RALYL: variants seen among roughly 807,000 people sequenced by gnomAD.
RALYL encodes the protein RALY RNA binding protein like.
Under a neutral mutation model 35.1 loss-of-function variants are expected in RALYL, and 29 were observed. The observed-to-expected ratio is 0.83, with a 90% CI of 0.61 to 1.13. The LOEUF is 1.13. Ranked by LOEUF, RALYL falls within the 50% of genes most tolerant of loss-of-function variation. RALYL has a pLI of 0.00. For synonymous variants in RALYL, 120 were observed against 127.6 expected (o/e 0.94, Z 0.40); for missense variants, 359 against 360.4 (o/e 1.00, Z 0.03).
chr8:84,895,610 T>G (rs1476608742), intron 8 of RALYL, among the ~76,000 whole-genome samples: 1 of 152,120 alleles, frequency 6.6e-6, no homozygotes. Context: ...TCTCCCAAGT[T>G]CAAGCAATTC....
chr8:84,497,642 G>GTT lies in RALYL; in HGVS notation c.-23-31641_-23-31640dup, dbSNP rs71271999. 4.6e-3 allele frequency among the ~76,000 whole-genome samples: 535 copies of GTT among 117,200 alleles called. 12 individuals are homozygous for GTT. Among genetic ancestry groups the GTT allele is most frequent in the African/African-American group, 7.2e-3 (222 of 30,630 alleles). 76.9% of individuals were successfully genotyped at this position (117,200 alleles called of 152,430 possible). ...TGTTTTTTTTGTTGTTTTTGTTTTT[G>GTT]TTTTTTTTTTTTTTTTTGAGAGACA... is the stretch of plus-strand genomic sequence containing the variant. On this transcript the variant is annotated intron_variant, in intron 1 of 8. Transcript: ENST00000521268.
At chr8:84,892,435 C>T (rs1220035725) in intron 8 of RALYL, among the ~76,000 whole-genome samples, 2 of 151,740 alleles carry the variant, frequency 1.3e-5, no homozygotes, top group Non-Finnish European at 2.9e-5. Flanking sequence ...CATGGTGAAA[C>T]TTCATCTCTA....
Position 84,318,679 on chromosome 8 carries a change from G to C in RALYL, c.-24+134255G>C, listed in dbSNP as rs553683506. Among the ~76,000 whole-genome samples the C allele has an allele frequency of 2.6e-5, 4 of 152,094 alleles. No homozygotes were observed. The East Asian group carries it at 7.7e-4, about 29-fold the overall frequency. ...TTAAAACCTTACTGCCTAGTACAGG[G>C]CCAGGCCTGTACAAGAGTCTCAAAA... On this transcript the variant is annotated intron_variant, in intron 1 of 8. Coordinates refer to ENST00000521268, the MANE Select transcript of RALYL (RefSeq NM_173848.7).
At chr8:84,553,434 G>A (rs1028615145) in intron 2 of RALYL, among the ~76,000 whole-genome samples, 1 of 152,140 alleles carries the variant, frequency 6.6e-6, no homozygotes, top group African/African-American at 2.4e-5. Context: ...TGGGATTACA[G>A]GTGTGAGCCA....
chr8:84,516,292 A>G (rs2058057580), intron 1 of RALYL, among the ~76,000 whole-genome samples: 1 of 151,788 alleles, frequency 6.6e-6, no homozygotes, highest in Non-Finnish European at 1.5e-5. Flanking sequence ...ACTTAATAAG[A>G]AAAATAATAT....
At chr8:84,235,767 C>CTTTTTTT (rs556495836) in intron 1 of RALYL, among the ~76,000 whole-genome samples, 126 of 126,846 alleles carry the variant, frequency 9.9e-4, no homozygotes, top group African/African-American at 1.1e-3. Context: ...TTTTCTTTTT[C>CTTTTTTT]TTTTTTTTTT....
chr8:84,239,647 T>G (rs1326455911), intron 1 of RALYL, among the ~76,000 whole-genome samples: 1 of 152,094 alleles, frequency 6.6e-6, no homozygotes, highest in African/African-American at 2.4e-5. Context: ...TCCTAGCACT[T>G]TGGGAGGCTG....
At chr8:84,706,926 G>A (rs111649901) in intron 2 of RALYL, among the ~76,000 whole-genome samples, 187 of 152,046 alleles carry the variant, frequency 1.2e-3, no homozygotes, top group Middle Eastern at 3.4e-3. Context: ...TCTATTTATC[G>A]TCATAGACAG....
At chr8:84,478,167 C>T (rs991723445) in intron 1 of RALYL, among the ~76,000 whole-genome samples, 1 of 151,922 alleles carries the variant, frequency 6.6e-6, no homozygotes, top group African/African-American at 2.4e-5. Context: ...GAGTTAAAAA[C>T]CCAACAATTT....
rs1219940465 is a variant in RALYL at position 84,684,325 on chromosome 8, C to A, written c.257-90254C>A. On this transcript the variant is annotated intron_variant, in intron 2 of 8. Transcript: ENST00000521268. ...TTATTTGATAAATATTTATTGAGTACCCACTATGAATTAGGATGAGGAAGA... is the reference window on the plus strand; with the variant it reads ...TTATTTGATAAATATTTATTGAGTAACCACTATGAATTAGGATGAGGAAGA... Among the ~76,000 whole-genome samples, 4 of 152,114 alleles carry A rather than the reference C, an allele frequency of 2.6e-5. No individual in the cohort carries two copies. The East Asian group carries it at 5.8e-4, about 22-fold the overall frequency.
chr8:84,435,546 CTG>C (rs2047623378), intron 1 of RALYL, among the ~76,000 whole-genome samples: 1 of 152,142 alleles, frequency 6.6e-6, no homozygotes, highest in African/African-American at 2.4e-5. Flanking sequence ...ATGTAAGTAA[CTG>C]TAAGTCGGTG....
intron 2 of RALYL, among the ~76,000 whole-genome samples, chr8:84,758,718 A>T (rs539424525): frequency 2.0e-5 from 3 of 152,210 alleles, no homozygotes. Flanking sequence ...TCTTTTTATG[A>T]CCTAATCTAG....
intron 8 of RALYL, among the ~76,000 whole-genome samples, chr8:84,889,770 G>A (rs985763934): frequency 5.9e-5 from 9 of 152,028 alleles, no homozygotes; most frequent in African/African-American, 2.2e-4. Context: ...CACTTTCCCA[G>A]GCTTCCTCAT....
chr8:84,580,662 T>C (rs1264935821), intron 2 of RALYL, among the ~76,000 whole-genome samples: 3 of 152,230 alleles, frequency 2.0e-5, no homozygotes, highest in Non-Finnish European at 4.4e-5. Flanking sequence ...CAAATTATTT[T>C]CAGTAATATT....
At chr8:84,890,840 T>C (rs1280868431) in intron 8 of RALYL, among the ~76,000 whole-genome samples, 3 of 150,786 alleles carry the variant, frequency 2.0e-5, no homozygotes, top group Non-Finnish European at 4.4e-5. Flanking sequence ...AGGATATTAG[T>C]AAAAAAATAA....
chr8:84,269,526 A>G (rs765721931), intron 1 of RALYL, among the ~76,000 whole-genome samples: 1 of 152,168 alleles, frequency 6.6e-6, no homozygotes, highest in Non-Finnish European at 1.5e-5. Flanking sequence ...TCCATTATCT[A>G]TTTTAAGTTC....
chr8:84,450,848 G>T (rs2049388888), intron 1 of RALYL, among the ~76,000 whole-genome samples: 1 of 151,912 alleles, frequency 6.6e-6, no homozygotes, highest in African/African-American at 2.4e-5. Flanking sequence ...CAATATAACA[G>T]TTGCCAAATT....
chr8:84,310,749 G>A (rs1450417372), intron 1 of RALYL, among the ~76,000 whole-genome samples: 4 of 151,282 alleles, frequency 2.6e-5, no homozygotes, highest in Middle Eastern at 3.2e-3. Context: ...TCTAATGTAT[G>A]ATTAAAATGT....
At chr8:84,418,561 C>A (rs910105212) in intron 1 of RALYL, among the ~76,000 whole-genome samples, 1 of 152,060 alleles carries the variant, frequency 6.6e-6, no homozygotes, top group Non-Finnish European at 1.5e-5. Flanking sequence ...GAACAACACT[C>A]TAGGTACAGT....
Sources: gnomAD v4.1 joint callset for allele counts (sites outside exome capture counted in the v4.1 genomes callset) on GRCh38, gnomAD v4.1.1 for gene constraint, MANE v1.5 for transcripts, NCBI Gene and HGNC (gene_info 2026-07-23, HGNC 2026-07-21) for gene names.